Variants in SLC25A24 observed in about 807,000 individuals in gnomAD.
SLC25A24 encodes solute carrier family 25 member 24, also known as mitochondrial adenyl nucleotide antiporter SLC25A24.
In SLC25A24, 49 loss-of-function variants were observed where a neutral mutation model predicts 60.7. That is an observed-to-expected ratio of 0.81 (90% confidence interval 0.64 to 1.02). The LOEUF is 1.02. Ranked by LOEUF, SLC25A24 falls within the 50% of genes least tolerant of loss-of-function variation. The probability of loss-of-function intolerance (pLI) is 0.00; values close to 1 mark genes in which losing one functional copy is unlikely to be tolerated. For synonymous variants in SLC25A24, 202 were observed against 200.6 expected (o/e 1.01, Z -0.06); for missense variants, 564 against 586.3 (o/e 0.96, Z 0.39).
At chr1:108,147,940 G>A (rs1229810831) in intron 7 of SLC25A24, among the ~76,000 whole-genome samples, 1 of 152,138 alleles carries the variant, frequency 6.6e-6, no homozygotes, top group Non-Finnish European at 1.5e-5. Context: ...AGGGAAGCCA[G>A]CTACTGTGTT....
intron 8 of SLC25A24, among the ~76,000 whole-genome samples, 175 bp downstream of exon 8, chr1:108,143,368 A>G (rs1312551175): frequency 6.6e-6 from 1 of 152,264 alleles, no homozygotes; most frequent in Non-Finnish European, 1.5e-5. Flanking sequence ...AATCTAATAC[A>G]AAAGTGACCC....
intron 8 of SLC25A24, among the ~76,000 whole-genome samples, chr1:108,142,470 A>C (rs1157166103): frequency 6.6e-6 from 1 of 152,256 alleles, no homozygotes; most frequent in African/African-American, 2.4e-5. Context: ...ACATGCTACA[A>C]CATGAACAAA....
chr1:108,168,758 G>A (rs1473852266), intron 3 of SLC25A24, among the ~76,000 whole-genome samples: 2 of 152,112 alleles, frequency 1.3e-5, no homozygotes, highest in Admixed American at 1.3e-4. Context: ...CAAGTTATAA[G>A]CTGGCAAATA....
chr1:108,135,039 A>G lies in SLC25A24; in HGVS notation c.*1614T>C, dbSNP rs1014953140. 6.6e-6 allele frequency: 1 copy of G among 152,232 alleles called. No individual in the cohort carries two copies. The highest frequency in any genetic ancestry group is 1.5e-5 in the Non-Finnish European group (1 of 68,008). 9.4% of individuals were successfully genotyped at this position (152,232 alleles called of 1,614,324 possible). On this transcript the variant is annotated 3_prime_UTR_variant, in exon 10 of 10. Coordinates refer to ENST00000565488, the MANE Select transcript of SLC25A24 (RefSeq NM_013386.5). Reference sequence around the variant, plus strand: ...ATATTTTCCAGAAGTTTGAAATTTCAAAGTTGTTAGCAAAATTATTCATTT... The same window carrying G: ...ATATTTTCCAGAAGTTTGAAATTTCGAAGTTGTTAGCAAAATTATTCATTT...
intron 3 of SLC25A24, 53 bp from the exon 4 acceptor site, chr1:108,161,346 T>A: frequency 1.1e-6 from 1 of 920,518 alleles, no homozygotes; most frequent in Non-Finnish European, 1.8e-6. Context: ...TAAATAAAAC[T>A]AACATTATTG....
Position 108,157,630 on chromosome 1 carries a change from T to A in SLC25A24, c.511-10A>T. 1 of 1,605,088 alleles carries A rather than the reference T, an allele frequency of 6.2e-7. No homozygotes were observed. The highest frequency in any genetic ancestry group is 1.1e-5 in the South Asian group (1 of 89,796). ...CCCCTATGTCAATTCCCTGTAAAAA[T>A]GAAAAAAAGATCCCCATGCGCCTTA... On this transcript the variant is annotated splice_polypyrimidine_tract_variant and intron_variant, in intron 4 of 9. Coordinates refer to ENST00000565488, the MANE Select transcript of SLC25A24 (RefSeq NM_013386.5).
At chr1:108,138,925 A>G (rs1679365278) in intron 9 of SLC25A24, 133 bp downstream of exon 9, 1 of 861,158 alleles carries the variant, frequency 1.2e-6, no homozygotes, top group Admixed American at 3.8e-5. Context: ...TTCCTTAAGG[A>G]GGCAATAATG....
intron 8 of SLC25A24, among the ~76,000 whole-genome samples, chr1:108,142,701 G>T (rs975372363): frequency 1.3e-5 from 2 of 152,102 alleles, no homozygotes; most frequent in African/African-American, 4.8e-5. Flanking sequence ...GTTGATGGTT[G>T]CACAATATTG....
At chr1:108,165,561 C>T (rs1680225419) in intron 3 of SLC25A24, among the ~76,000 whole-genome samples, 1 of 152,124 alleles carries the variant, frequency 6.6e-6, no homozygotes, top group Non-Finnish European at 1.5e-5. Context: ...CCTTCTTTGT[C>T]TCTTCTGATC....
intron 1 of SLC25A24, among the ~76,000 whole-genome samples, chr1:108,187,927 G>GATAGATATATATATATATATATATAT: frequency 0.016 from 1,571 of 95,578 alleles, 82 homozygotes; most frequent in African/African-American, 0.025. Flanking sequence ...AGACATTATA[G>GATAGATATATATATATATATATATAT]ATATATATAT....
At chr1:108,182,955 GAACA>G (rs1647981948) in intron 2 of SLC25A24, among the ~76,000 whole-genome samples, 1 of 152,030 alleles carries the variant, frequency 6.6e-6, no homozygotes. Flanking sequence ...GACAGAAGGA[GAACA>G]ATCAGAAGAC....
At chr1:108,181,219 TAAC>T (rs1647920239) in intron 3 of SLC25A24, among the ~76,000 whole-genome samples, 1 of 152,304 alleles carries the variant, frequency 6.6e-6, no homozygotes, top group East Asian at 1.9e-4. Flanking sequence ...ATAAATTCAA[TAAC>T]AAAGCCATTT....
chr1:108,185,687 T>A, intron 2 of SLC25A24, 141 bp downstream of exon 2: 1 of 624,054 alleles, frequency 1.6e-6, no homozygotes, highest in East Asian at 3.3e-5. Context: ...TACATAAAAA[T>A]CACATTACTA....
chr1:108,200,320 G>A lies in SLC25A24; in HGVS notation c.-182C>T, dbSNP rs533259702. 2.5e-6 allele frequency: 1 copy of A among 394,284 alleles called. No individual in the cohort carries two copies. The highest frequency in any genetic ancestry group is 4.1e-6 in the Non-Finnish European group (1 of 241,352). 24.4% of individuals were successfully genotyped at this position (394,284 alleles called of 1,614,324 possible). ...GGGCGCAGGAGCGGAGACCCCACCCGAGCCCGCGCGGAGCGCAGGGTGTGG... is the reference window on the plus strand; with the variant it reads ...GGGCGCAGGAGCGGAGACCCCACCCAAGCCCGCGCGGAGCGCAGGGTGTGG... On this transcript the variant is annotated 5_prime_UTR_variant, in exon 1 of 10. Coordinates refer to ENST00000565488, the MANE Select transcript of SLC25A24 (RefSeq NM_013386.5).
At chr1:108,190,869 G>A (rs12025872) in intron 1 of SLC25A24, among the ~76,000 whole-genome samples, 1 of 138,438 alleles carries the variant, frequency 7.2e-6, no homozygotes, top group Non-Finnish European at 1.6e-5. Flanking sequence ...GGTTGGTGCA[G>A]AATTCTCTGG....
intron 7 of SLC25A24, among the ~76,000 whole-genome samples, chr1:108,145,456 C>T (rs1179861931): frequency 6.6e-6 from 1 of 152,064 alleles, no homozygotes; most frequent in Admixed American, 6.6e-5. Flanking sequence ...GTTGCCATTG[C>T]TTTTGTGATT....
chr1:108,192,987 C>T (rs1240788110), intron 1 of SLC25A24, among the ~76,000 whole-genome samples: 2 of 139,556 alleles, frequency 1.4e-5, no homozygotes, highest in East Asian at 5.3e-4. Context: ...CCAGAAACTT[C>T]CAGGGAGAAC....
chr1:108,160,021 C>T (rs1202063744), intron 4 of SLC25A24, among the ~76,000 whole-genome samples: 9 of 152,214 alleles, frequency 5.9e-5, no homozygotes, highest in African/African-American at 1.2e-4. Flanking sequence ...AGAGGGGCTC[C>T]TCACTTCCCT....
chr1:108,154,970 T>A lies in SLC25A24; in HGVS notation c.822+13A>T. The stretch of plus-strand genomic sequence containing the variant: ...CCTCTTTGTTAATAAATTCCACGGG[T>A]GATAACAATTACCTGTTCATATGCC... On this transcript the variant is annotated intron_variant, in intron 6 of 9. Coordinates refer to ENST00000565488, the MANE Select transcript of SLC25A24 (RefSeq NM_013386.5). 1 of 1,592,342 alleles carries A rather than the reference T, an allele frequency of 6.3e-7. No individual in the cohort carries two copies.
Sources: gnomAD v4.1 joint callset for allele counts (sites outside exome capture counted in the v4.1 genomes callset) on GRCh38, gnomAD v4.1.1 for gene constraint, MANE v1.5 for transcripts, NCBI Gene and HGNC (gene_info 2026-07-23, HGNC 2026-07-21) for gene names.